RNASEH2B: variants seen among roughly 807,000 people sequenced by gnomAD.
RNASEH2B encodes the protein Aicardi-Goutieres syndrome 2 protein.
In RNASEH2B, 36 loss-of-function variants were observed where a neutral mutation model predicts 45.0. The ratio of observed to expected loss-of-function variants is 0.80; its 90% confidence interval spans 0.61 to 1.06. The LOEUF (loss-of-function observed/expected upper bound fraction) is 1.06, where lower values mean the gene tolerates loss of function less well. RNASEH2B is among the 50% of genes least tolerant of loss of function. The pLI, the probability that RNASEH2B is intolerant of heterozygous loss-of-function variation, is 0.00. For missense variants in RNASEH2B, 361 were observed against 360.3 expected, an observed-to-expected ratio of 1.00 and a Z score of -0.02; for synonymous variants, 119 against 125.7, an observed-to-expected ratio of 0.95 and a Z score of 0.35.
At position 50,910,155 on chromosome 13, in the gene RNASEH2B, C is replaced by G; in HGVS notation, c.64+15C>G. On this transcript the variant is annotated intron_variant, in intron 1 of 10. Coordinates refer to ENST00000336617, the MANE Select transcript of RNASEH2B (RefSeq NM_024570.4). ...CCTGGTTTCAGGTAAACACGCGCGC[C>G]CGGGCGGCGGGGTCGGCCCAAGAAC... 7.0e-7 allele frequency: 1 copy of G among 1,428,028 alleles called. No homozygotes were observed. Among genetic ancestry groups the G allele is most frequent in the Non-Finnish European group, 9.2e-7 (1 of 1,091,638 alleles). The allele number at this position is 1,428,028 out of a possible 1,614,324, so 88.5% of individuals were successfully genotyped here.
chr13:50,969,787 T>A, intron 9 of RNASEH2B: 1 of 724,488 alleles, frequency 1.4e-6, no homozygotes, highest in Non-Finnish European at 2.4e-6. Flanking sequence ...TGAGGTCATC[T>A]CTTAGAAGCG....
chr13:50,954,685 A>T (rs955411089), intron 10 of RNASEH2B: 3 of 152,166 alleles, frequency 2.0e-5, no homozygotes, highest in African/African-American at 4.8e-5. Flanking sequence ...ATCTCCAATC[A>T]TTTCATTAGA....
chr13:50,930,050 C>G (rs1055739836), intron 3 of RNASEH2B: 1 of 221,126 alleles, frequency 4.5e-6, no homozygotes, highest in South Asian at 7.0e-5. Flanking sequence ...CACACATACA[C>G]CCCCCAGCAC....
At chr13:50,909,780 G>A, upstream of RNASEH2B, 1 of 308,108 alleles carries the variant, frequency 3.2e-6, no homozygotes, top group Non-Finnish European at 6.0e-6. Flanking sequence ...GGCGCGCGAT[G>A]AGCACCTACC....
intron 5 of RNASEH2B, chr13:50,938,042 A>G (rs1247456635): frequency 6.6e-6 from 1 of 152,254 alleles, no homozygotes; most frequent in African/African-American, 2.4e-5. Context: ...ATCCAAAAGA[A>G]TCTACAAAAG....
intron 9 of RNASEH2B, chr13:50,950,281 C>T (rs1461170207): frequency 1.3e-5 from 2 of 152,230 alleles, no homozygotes; most frequent in Non-Finnish European, 2.9e-5. Flanking sequence ...ATGTTACAAA[C>T]TTTCCTTCTC....
Position 50,948,009 on chromosome 13 carries a change from T to A in RNASEH2B, c.639T>A (p.His213Gln), listed in dbSNP as rs1265842301. The A allele has an allele frequency of 1.4e-5, 22 of 1,611,252 alleles. No individual in the cohort carries two copies. The highest frequency in any genetic ancestry group is 1.8e-5 in the Non-Finnish European group (21 of 1,179,210). The change falls in exon 8 of 11, where the codon CAT (histidine) becomes CAA (glutamine). Residue 213 changes from histidine (H) to glutamine (Q), a missense_variant. His to Gln is a conservative substitution (Grantham distance 24). Coordinates refer to ENST00000336617, the MANE Select transcript of RNASEH2B (RefSeq NM_024570.4). ...CAGAGGATTATATTCGTTATGCCCA[T>A]GGTCTGATATCTGACTACATCCCTA... ...DKEEDYIRYA[H>Q]GLISDYIPKE...
At chr13:50,947,386 A>AGTGTGTGTGTGT (rs34501133) in intron 7 of RNASEH2B, among the ~76,000 whole-genome samples, 107 of 145,988 alleles carry the variant, frequency 7.3e-4, no homozygotes, top group Admixed American at 1.9e-3. Context: ...TTAGTTTGGG[A>AGTGTGTGTGTGT]GTGTGTGTGT....
intron 8 of RNASEH2B, chr13:50,949,240 T>G (rs1278231094): frequency 1.9e-6 from 1 of 521,240 alleles, no homozygotes; most frequent in Non-Finnish European, 3.4e-6. Context: ...AATTTTATTT[T>G]TTAGTTCAGA....
At chr13:50,930,564 T>C (rs1951665535) in intron 3 of RNASEH2B, 119 bp from the exon 4 acceptor site, 2 of 799,854 alleles carry the variant, frequency 2.5e-6, no homozygotes, top group East Asian at 4.9e-5. Context: ...AAGAAGAGAT[T>C]TGAATTTGGA....
At chr13:50,931,630 T>C (rs1291105483) in intron 4 of RNASEH2B, among the ~76,000 whole-genome samples, 1 of 152,202 alleles carries the variant, frequency 6.6e-6, no homozygotes, top group Non-Finnish European at 1.5e-5. Flanking sequence ...GGTAGGATTA[T>C]ATGAAAAATA....
At chr13:50,957,452 T>C (rs1395284562), downstream of RNASEH2B, among the ~76,000 whole-genome samples, 1 of 152,224 alleles carries the variant, frequency 6.6e-6, no homozygotes, top group Non-Finnish European at 1.5e-5. Flanking sequence ...TATGGCTGTG[T>C]AGTATTCCAT....
downstream of RNASEH2B, among the ~76,000 whole-genome samples, chr13:50,958,719 G>A (rs1454051544): frequency 1.3e-5 from 2 of 152,066 alleles, no homozygotes; most frequent in East Asian, 3.8e-4. Flanking sequence ...TTTAATGACA[G>A]TATAATTTTT....
chr13:50,970,094 A>T (rs1952205588), exon 10 of RNASEH2B: 1 of 822,644 alleles, frequency 1.2e-6, no homozygotes, highest in South Asian at 1.5e-5. Context: ...TAAAGCGCTG[A>T]CTGTAAATGC....
rs539637278 is a variant in RNASEH2B, at chr13:50,969,470, A to G, written c.742-462A>G. ...AAGTATATGCTTATCTATTTTTTAT[A>G]CATTGGAGTCTACACAAGGCTTCCT... On this transcript the variant is annotated intron_variant, in intron 9 of 9. Transcript: ENST00000422660. Among the ~76,000 whole-genome samples, 26 of 150,122 alleles carry G rather than the reference A, an allele frequency of 1.7e-4. No homozygotes were observed. In the Admixed American group the frequency reaches 1.7e-3, roughly 10 times the overall value.
At chr13:50,943,082 G>C (rs1191820859) in intron 5 of RNASEH2B, 2 of 412,334 alleles carry the variant, frequency 4.9e-6, no homozygotes, top group Non-Finnish European at 8.7e-6. Flanking sequence ...AGAGTTGTTT[G>C]TATAATTTGA....
intron 1 of RNASEH2B, chr13:50,915,190 C>A (rs757190366): frequency 1.1e-5 from 4 of 378,622 alleles, no homozygotes; most frequent in Non-Finnish European, 1.9e-5. Flanking sequence ...AAAAGTCTCA[C>A]ATTCCATTTC....
At chr13:50,945,580 C>A in intron 7 of RNASEH2B, 48 bp downstream of exon 7, 1 of 1,272,048 alleles carries the variant, frequency 7.9e-7, no homozygotes, top group Non-Finnish European at 1.2e-6. Flanking sequence ...GAGTAAGTTG[C>A]TTATGTGTAA....
intron 10 of RNASEH2B, 51 bp downstream of exon 10, chr13:50,954,036 T>A: frequency 9.1e-7 from 1 of 1,097,630 alleles, no homozygotes; most frequent in South Asian, 1.3e-5. Flanking sequence ...GTGCGTGATG[T>A]GCATGAATAC....
Sources: gnomAD v4.1 joint callset for allele counts (sites outside exome capture counted in the v4.1 genomes callset) on GRCh38, gnomAD v4.1.1 for gene constraint, MANE v1.5 for transcripts, NCBI Gene and HGNC (gene_info 2026-07-23, HGNC 2026-07-21) for gene names.